The following THOC5 variants were observed in gnomAD, a reference collection of about 807,000 sequenced individuals.
THOC5 encodes the protein Fms-interacting protein.
In THOC5, 43 loss-of-function variants were observed where a neutral mutation model predicts 92.9. The observed-to-expected ratio is 0.46, with a 90% confidence interval of 0.36 to 0.60. The LOEUF is 0.60. THOC5 is among the 20% of genes least tolerant of loss of function. The probability of loss-of-function intolerance (pLI) is 0.00; values close to 1 mark genes in which losing one functional copy is unlikely to be tolerated. For synonymous variants in THOC5, 296 were observed against 320.1 expected (o/e 0.92, Z 0.80); for missense variants, 659 against 849.4 (o/e 0.78, Z 2.79).
At chr22:29,526,631 A>C (rs2063550580) in intron 11 of THOC5, among the ~76,000 whole-genome samples, 1 of 151,918 alleles carries the variant, frequency 6.6e-6, no homozygotes, top group African/African-American at 2.4e-5. Flanking sequence ...GGTAGGGCTT[A>C]ATTTCTCTGC....
intron 18 of THOC5, chr22:29,511,557 T>C: frequency 2.0e-6 from 1 of 500,522 alleles, no homozygotes. Context: ...AGGGAAGCAG[T>C]CTCAAAATAA....
intron 8 of THOC5, 75 bp from the exon 9 acceptor site, chr22:29,529,314 G>A: frequency 1.3e-6 from 2 of 1,491,208 alleles, no homozygotes; most frequent in South Asian, 1.1e-5. Flanking sequence ...GCCAGCTCTG[G>A]GGCTGCATTT....
chr22:29,528,025 G>A (rs1185561873), intron 11 of THOC5, 53 bp downstream of exon 11: 2 of 1,570,270 alleles, frequency 1.3e-6, no homozygotes, highest in South Asian at 1.1e-5. Flanking sequence ...ACCTGCAGCT[G>A]GGTGAACTCT....
chr22:29,535,799 C>G (rs1346962550), intron 7 of THOC5: 1 of 152,210 alleles, frequency 6.6e-6, no homozygotes, highest in Admixed American at 6.5e-5. Flanking sequence ...CCTGCCTCAG[C>G]CTTCCAAGTA....
intron 6 of THOC5, 122 bp downstream of exon 6, chr22:29,539,208 T>A: frequency 1.0e-6 from 1 of 994,062 alleles, no homozygotes; most frequent in Non-Finnish European, 1.5e-6. Context: ...GATTTAATCA[T>A]AAAATGGGAT....
At chr22:29,514,466 G>A (rs1458509259) in intron 17 of THOC5, among the ~76,000 whole-genome samples, 3 of 150,272 alleles carry the variant, frequency 2.0e-5, no homozygotes, top group South Asian at 2.1e-4. Flanking sequence ...ACAGGCGCCC[G>A]CCACCAGGCC....
At chr22:29,539,287 C>T in intron 6 of THOC5, 43 bp downstream of exon 6, 1 of 1,600,000 alleles carries the variant, frequency 6.3e-7, no homozygotes, top group Non-Finnish European at 8.5e-7. Flanking sequence ...TGACAAAGCA[C>T]TGACACTTTG....
chr22:29,546,992 C>G (rs925048257), intron 2 of THOC5, among the ~76,000 whole-genome samples: 10 of 151,782 alleles, frequency 6.6e-5, no homozygotes, highest in Non-Finnish European at 1.0e-4. Context: ...AGGGGCCCAC[C>G]ACCATGTCTG....
At chr22:29,531,052 A>C (rs2063643963) in intron 8 of THOC5, 1 of 1,102,412 alleles carries the variant, frequency 9.1e-7, no homozygotes, top group South Asian at 2.2e-5. Context: ...CCGATTTTAA[A>C]CATAAAAGAA....
At chr22:29,516,290 A>T (rs1444672183) in intron 17 of THOC5, among the ~76,000 whole-genome samples, 3 of 151,190 alleles carry the variant, frequency 2.0e-5, no homozygotes, top group African/African-American at 4.9e-5. Flanking sequence ...TTTCTTCAGA[A>T]TTTTTTTTTT....
chr22:29,540,680 A>G (rs575317422), intron 5 of THOC5, among the ~76,000 whole-genome samples: 143 of 152,274 alleles, frequency 9.4e-4, no homozygotes, highest in Middle Eastern at 3.4e-3. Context: ...ATACCTTTTT[A>G]ATTTGGAAAT....
rs111459212 is a variant in THOC5 at position 29,529,415 on chromosome 22, C to CT, written c.848-177dup. Among the ~76,000 whole-genome samples the CT allele has an allele frequency of 5.8e-4, 88 of 152,172 alleles. 2 individuals carry two copies. Among genetic ancestry groups the CT allele is most frequent in the African/African-American group, 1.2e-3 (48 of 41,530 alleles). ...AGGGAAACAAGGTGGGACACTTAAG[C>CT]TTTTTTTTCCGTCATTTACTGAGAA... is the stretch of plus-strand genomic sequence containing the variant. On this transcript the variant is annotated intron_variant, in intron 8 of 19. Transcript: ENST00000490103.
At chr22:29,532,043 A>G in intron 7 of THOC5, 80 bp from the exon 8 acceptor site, 2 of 1,520,516 alleles carry the variant, frequency 1.3e-6, no homozygotes, top group South Asian at 1.2e-5. Flanking sequence ...GTGACCGTAA[A>G]TCATTATTTA....
intron 8 of THOC5, among the ~76,000 whole-genome samples, chr22:29,529,816 C>T (rs1468210834): frequency 6.6e-6 from 1 of 152,162 alleles, no homozygotes; most frequent in East Asian, 1.9e-4. Flanking sequence ...CTGTCTGAGC[C>T]TCAGTTTCTG....
At chr22:29,518,929 T>C in intron 15 of THOC5, 77 bp downstream of exon 15, 1 of 980,052 alleles carries the variant, frequency 1.0e-6, no homozygotes, top group East Asian at 2.6e-5. Flanking sequence ...GATTCAAGTT[T>C]TGAGTGAAAG....
intron 2 of THOC5, among the ~76,000 whole-genome samples, chr22:29,545,934 C>T (rs1380393388): frequency 6.6e-6 from 1 of 152,266 alleles, no homozygotes; most frequent in East Asian, 1.9e-4. Flanking sequence ...TTCCCTTCCA[C>T]ACTGCCCTAG....
chr22:29,510,657 C>G (rs535058535), intron 19 of THOC5, among the ~76,000 whole-genome samples: 113 of 152,190 alleles, frequency 7.4e-4, no homozygotes, highest in Non-Finnish European at 1.5e-3. Flanking sequence ...CAGAGCTAAG[C>G]AGAACTGACT....
intron 15 of THOC5, 62 bp downstream of exon 15, chr22:29,518,944 A>AGTT (rs1012651753): frequency 1.9e-6 from 2 of 1,066,422 alleles, no homozygotes; most frequent in Non-Finnish European, 2.8e-6. Flanking sequence ...TGAAAGGCTA[A>AGTT]GTTGTTGTTG....
intron 7 of THOC5, among the ~76,000 whole-genome samples, chr22:29,533,946 A>G (rs1414987156): frequency 6.6e-6 from 1 of 152,220 alleles, no homozygotes; most frequent in African/African-American, 2.4e-5. Context: ...AAAGCTAAAT[A>G]TATGTATAAC....
Sources: gnomAD v4.1 joint callset for allele counts (sites outside exome capture counted in the v4.1 genomes callset) on GRCh38, gnomAD v4.1.1 for gene constraint, MANE v1.5 for transcripts, NCBI Gene and HGNC (gene_info 2026-07-23, HGNC 2026-07-21) for gene names.